SETD3: variants seen among roughly 807,000 people sequenced by gnomAD.
The protein encoded by SETD3 is actin-histidine N-methyltransferase.
SETD3 carries 19 observed loss-of-function variants against 63.0 expected under a neutral mutation model. That is an observed-to-expected ratio of 0.30 (90% CI 0.21 to 0.44). The LOEUF is 0.44. Ranked by LOEUF, SETD3 falls within the 20% of genes least tolerant of loss-of-function variation. The probability of loss-of-function intolerance (pLI) is 1.00; values close to 1 mark genes in which losing one functional copy is unlikely to be tolerated. For missense variants in SETD3, 587 were observed against 728.5 expected (o/e 0.81, Z 2.24); for synonymous variants, 286 against 264.1 (o/e 1.08, Z -0.80).
intron 3 of SETD3, 109 bp from the exon 4 acceptor site, chr14:99,461,449 A>T: frequency 1.8e-6 from 2 of 1,087,226 alleles, no homozygotes; most frequent in Admixed American, 4.5e-5. Flanking sequence ...AAATAGTCTT[A>T]ACACGCCAAT....
At chr14:99,458,113 G>A (rs1894861804) in intron 6 of SETD3, among the ~76,000 whole-genome samples, 166 bp downstream of exon 6, 1 of 152,106 alleles carries the variant, frequency 6.6e-6, no homozygotes, top group South Asian at 2.1e-4. Context: ...GCATTTCATT[G>A]ATATTTCTGT....
intron 6 of SETD3, among the ~76,000 whole-genome samples, chr14:99,422,937 C>A (rs541373098): frequency 6.6e-6 from 1 of 152,230 alleles, no homozygotes; most frequent in Non-Finnish European, 1.5e-5. Context: ...TGGACACCAG[C>A]AAGTCGCAGA....
intron 6 of SETD3, among the ~76,000 whole-genome samples, chr14:99,420,030 A>T (rs1341972440): frequency 6.6e-6 from 1 of 152,220 alleles, no homozygotes; most frequent in African/African-American, 2.4e-5. Context: ...ATTAGGGGGT[A>T]CTGCCTAGCA....
At chr14:99,442,091 A>C (rs999631573) in intron 6 of SETD3, among the ~76,000 whole-genome samples, 12 of 152,184 alleles carry the variant, frequency 7.9e-5, no homozygotes, top group Non-Finnish European at 1.3e-4. Context: ...GCTGTGGAGG[A>C]CACAGCACAC....
Position 99,432,923 on chromosome 14 carries a change from T to A in SETD3, c.676-18989A>T, listed in dbSNP as rs573806726. Among the ~76,000 whole-genome samples, 6 of 152,044 alleles carry A rather than the reference T, an allele frequency of 3.9e-5. 1 individual carries two copies. On this transcript the variant is annotated intron_variant, in intron 6 of 12. Transcript: ENST00000331768. ...CGGTGGGCTAAACAAGGAGTTCTTA[T>A]AAAGGACACAAAAAGCACTATCTTT...
intron 8 of SETD3, 84 bp from the exon 9 acceptor site, chr14:99,406,674 A>G: frequency 7.3e-7 from 1 of 1,374,404 alleles, no homozygotes; most frequent in Non-Finnish European, 1.0e-6. Context: ...TCTGGCAATC[A>G]GAGGAAAAAG....
chr14:99,454,605 G>C (rs1595239992), intron 6 of SETD3, among the ~76,000 whole-genome samples: 1 of 152,176 alleles, frequency 6.6e-6, no homozygotes, highest in Non-Finnish European at 1.5e-5. Context: ...AGCATAAATA[G>C]AGCATTTCTA....
chr14:99,447,734 C>T lies in SETD3; in HGVS notation c.675+10545G>A, dbSNP rs145644027. ...CTTTGTTTCATTAAATAAGTTGAAC[C>T]GGTAAGGATAACAATAAAAGAAAAA... On this transcript the variant is annotated intron_variant, in intron 6 of 12. Transcript: ENST00000331768. Among the ~76,000 whole-genome samples, 886 of 152,200 alleles carry T rather than the reference C, an allele frequency of 5.8e-3. 8 individuals carry two copies. Among genetic ancestry groups the T allele is most frequent in the African/African-American group, 0.02 (845 of 41,506 alleles).
intron 6 of SETD3, among the ~76,000 whole-genome samples, chr14:99,434,721 C>CCTGTAATCCCAGCTACTCGGGAGG (rs1217152025): frequency 2.0e-5 from 3 of 151,768 alleles, no homozygotes; most frequent in Non-Finnish European, 4.4e-5. Flanking sequence ...GTGGCGCAAG[C>CCTGTAATCCCAGCTACTCGGGAGG]CTGTAATCCC....
At chr14:99,465,206 G>T (rs369140814) in intron 2 of SETD3, among the ~76,000 whole-genome samples, 21 of 152,138 alleles carry the variant, frequency 1.4e-4, no homozygotes, top group Non-Finnish European at 1.6e-4. Flanking sequence ...CCAGTGAGGG[G>T]CAGAGCTCTG....
chr14:99,426,518 G>C (rs1209389333), intron 6 of SETD3, among the ~76,000 whole-genome samples: 1 of 152,188 alleles, frequency 6.6e-6, no homozygotes, highest in African/African-American at 2.4e-5. Flanking sequence ...CTGAATGTGG[G>C]GAGAGGGCGG....
chr14:99,447,471 A>ATG (rs1174104680), intron 6 of SETD3, among the ~76,000 whole-genome samples: 17 of 152,266 alleles, frequency 1.1e-4, no homozygotes, highest in African/African-American at 3.6e-4. Flanking sequence ...AAAATGAGAT[A>ATG]TGTGTTTAGA....
intron 8 of SETD3, chr14:99,410,112 G>A: frequency 7.8e-7 from 1 of 1,278,282 alleles, no homozygotes; most frequent in Non-Finnish European, 1.1e-6. Context: ...AGGGTGCTCA[G>A]GGCAGCCACG....
intron 6 of SETD3, among the ~76,000 whole-genome samples, chr14:99,452,803 C>T (rs1482424817): frequency 6.6e-6 from 1 of 152,210 alleles, no homozygotes; most frequent in East Asian, 1.9e-4. Flanking sequence ...GAGACAGGGG[C>T]TGCAAGCCAT....
intron 6 of SETD3, among the ~76,000 whole-genome samples, chr14:99,437,730 CTCTT>C (rs1169518215): frequency 6.6e-6 from 1 of 152,204 alleles, no homozygotes; most frequent in Non-Finnish European, 1.5e-5. Context: ...CTCAATAAAT[CTCTT>C]TCAGTTTTGA....
At chr14:99,401,022 C>T (rs1891360184) in intron 11 of SETD3, among the ~76,000 whole-genome samples, 1 of 151,976 alleles carries the variant, frequency 6.6e-6, no homozygotes, top group African/African-American at 2.4e-5. Flanking sequence ...GCCTGTAGTC[C>T]CAGCTACTCA....
chr14:99,420,977 T>TG (rs1566694427), intron 6 of SETD3, among the ~76,000 whole-genome samples: 2 of 10,996 alleles, frequency 1.8e-4, no homozygotes, highest in Admixed American at 9.5e-4. Flanking sequence ...GGGGGGGGGG[T>TG]GGGAGGTGCA....
chr14:99,420,112 G>A (rs960409628), intron 6 of SETD3, among the ~76,000 whole-genome samples: 4 of 152,108 alleles, frequency 2.6e-5, no homozygotes, highest in Admixed American at 6.5e-5. Flanking sequence ...CTCTTCTTCC[G>A]GGCCACCTTC....
Position 99,458,268 on chromosome 14 carries a change from C to G in SETD3, c.675+11G>C, listed in dbSNP as rs181714972. 4.7e-5 allele frequency: 75 copies of G among 1,606,236 alleles called. No homozygotes were observed. In the African/African-American group the frequency reaches 9.2e-4, roughly 20 times the overall value. On this transcript the variant is annotated intron_variant, in intron 6 of 12. Coordinates refer to ENST00000331768, the MANE Select transcript of SETD3 (RefSeq NM_032233.3). Reference sequence around the variant, plus strand: ...GTGAAATATATACTTAAATTGCAAACAGCTGCTCACCTGGATGACTTTATA... The same window carrying G: ...GTGAAATATATACTTAAATTGCAAAGAGCTGCTCACCTGGATGACTTTATA...
Sources: gnomAD v4.1 joint callset for allele counts (sites outside exome capture counted in the v4.1 genomes callset) on GRCh38, gnomAD v4.1.1 for gene constraint, MANE v1.5 for transcripts, NCBI Gene and HGNC (gene_info 2026-07-23, HGNC 2026-07-21) for gene names.